The following PTPRD variants were observed in gnomAD, a reference collection of about 807,000 sequenced individuals.
The protein encoded by PTPRD is receptor-type tyrosine-protein phosphatase delta.
Under a neutral mutation model 214.5 loss-of-function variants are expected in PTPRD, and 34 were observed. The observed-to-expected ratio is 0.16, with a 90% CI of 0.12 to 0.21. The LOEUF (loss-of-function observed/expected upper bound fraction) is 0.21, where lower values mean the gene tolerates loss of function less well. Among genes scored for constraint, PTPRD ranks in the 10% least tolerant of loss-of-function variants. The probability of loss-of-function intolerance (pLI) is 1.00; values close to 1 mark genes in which losing one functional copy is unlikely to be tolerated. For synonymous variants in PTPRD, 1,128 were observed against 845.7 expected (o/e 1.33, Z -5.79); for missense variants, 2,545 against 2,398.7 (o/e 1.06, Z -1.27).
At chr9:10,308,461 G>A (rs1021149526) in intron 3 of PTPRD, among the ~76,000 whole-genome samples, 6 of 151,990 alleles carry the variant, frequency 3.9e-5, no homozygotes, top group African/African-American at 1.4e-4. Context: ...CTTGTTTACT[G>A]TAGCTTTGTA....
At chr9:10,020,545 T>C (rs2096829619) in intron 4 of PTPRD, among the ~76,000 whole-genome samples, 1 of 98,310 alleles carries the variant, frequency 1.0e-5, no homozygotes. Flanking sequence ...TCATGATCCT[T>C]TTTCACATTT....
At chr9:9,619,780 C>T (rs1400804810) in intron 7 of PTPRD, among the ~76,000 whole-genome samples, 2 of 145,242 alleles carry the variant, frequency 1.4e-5, no homozygotes, top group African/African-American at 2.5e-5. Context: ...TAAGTATATA[C>T]AAATATCTAT....
intron 7 of PTPRD, among the ~76,000 whole-genome samples, chr9:9,694,971 T>G (rs1362270513): frequency 6.6e-6 from 1 of 152,112 alleles, no homozygotes; most frequent in Non-Finnish European, 1.5e-5. Flanking sequence ...GCCAAGCTGG[T>G]ACCTAGTGTG....
chr9:9,400,119 A>G (rs1231821691), intron 8 of PTPRD, among the ~76,000 whole-genome samples: 2 of 142,490 alleles, frequency 1.4e-5, no homozygotes, highest in African/African-American at 5.3e-5. Context: ...TTGGACTGGC[A>G]CAGGTAGATG....
chr9:9,249,678 CTA>C (rs2099974642), intron 9 of PTPRD, among the ~76,000 whole-genome samples: 1 of 152,044 alleles, frequency 6.6e-6, no homozygotes, highest in Non-Finnish European at 1.5e-5. Context: ...AAAGTTTCAA[CTA>C]TGCATTATTT....
At chr9:8,566,124 G>GTGTGTGTGTC (rs2089036948) in intron 14 of PTPRD, among the ~76,000 whole-genome samples, 1 of 151,546 alleles carries the variant, frequency 6.6e-6, no homozygotes. Flanking sequence ...GTGTGTGTGT[G>GTGTGTGTGTC]TGTGTGTGTG....
At chr9:10,176,523 G>C (rs536298685) in intron 3 of PTPRD, among the ~76,000 whole-genome samples, 1 of 152,028 alleles carries the variant, frequency 6.6e-6, no homozygotes, top group East Asian at 1.9e-4. Context: ...ATCCATGCAG[G>C]CAGAGATAAA....
chr9:8,721,898 A>C (rs2154419764), intron 12 of PTPRD, among the ~76,000 whole-genome samples: 1 of 152,166 alleles, frequency 6.6e-6, no homozygotes, highest in South Asian at 2.1e-4. Flanking sequence ...ATCTCTCCTA[A>C]CCTCTGCTCC....
At chr9:9,067,419 T>C (rs2099736471) in intron 10 of PTPRD, among the ~76,000 whole-genome samples, 1 of 152,254 alleles carries the variant, frequency 6.6e-6, no homozygotes, top group South Asian at 2.1e-4. Flanking sequence ...TAATATTTGC[T>C]TATTTTTCAC....
At chr9:8,641,761 T>G (rs900021272) in intron 12 of PTPRD, among the ~76,000 whole-genome samples, 1 of 152,208 alleles carries the variant, frequency 6.6e-6, no homozygotes, top group Non-Finnish European at 1.5e-5. Flanking sequence ...AGCCACAAAC[T>G]GCGCACTGAT....
intron 3 of PTPRD, among the ~76,000 whole-genome samples, chr9:10,080,826 G>A (rs1590595998): frequency 6.6e-6 from 1 of 152,108 alleles, no homozygotes; most frequent in South Asian, 2.1e-4. Context: ...TTAAATTTCT[G>A]GCAAGCTAGA....
chr9:8,330,625 C>CAAAGGATGCTAGA (rs1554697293), intron 44 of PTPRD, among the ~76,000 whole-genome samples: 15 of 152,040 alleles, frequency 9.9e-5, no homozygotes, highest in Non-Finnish European at 1.5e-4. Flanking sequence ...GCCTGAGAAA[C>CAAAGGATGCTAGA]AAAGGATGCT....
chr9:9,536,381 C>A (rs1351320979), intron 8 of PTPRD, among the ~76,000 whole-genome samples: 1 of 151,874 alleles, frequency 6.6e-6, no homozygotes, highest in Non-Finnish European at 1.5e-5. Flanking sequence ...TCTTTAAAAA[C>A]ATTTAAAATA....
chr9:8,780,751 T>G (rs918562740), intron 11 of PTPRD, among the ~76,000 whole-genome samples: 1 of 152,152 alleles, frequency 6.6e-6, no homozygotes, highest in Non-Finnish European at 1.5e-5. Flanking sequence ...CTCAAAATCC[T>G]GAGGTAAGTA....
intron 7 of PTPRD, among the ~76,000 whole-genome samples, chr9:9,646,325 GT>G (rs2096170531): frequency 6.7e-6 from 1 of 149,258 alleles, no homozygotes; most frequent in Non-Finnish European, 1.5e-5. Context: ...GTGGGTGTGT[GT>G]GTGTGTGTGT....
At chr9:9,957,928 TAC>T (rs1200698056) in intron 4 of PTPRD, among the ~76,000 whole-genome samples, 1 of 151,250 alleles carries the variant, frequency 6.6e-6, no homozygotes, top group African/African-American at 2.4e-5. Context: ...CCCACATCAA[TAC>T]AGTCAACTGA....
intron 7 of PTPRD, among the ~76,000 whole-genome samples, chr9:9,628,182 T>C (rs1253251845): frequency 6.6e-6 from 1 of 152,160 alleles, no homozygotes; most frequent in Non-Finnish European, 1.5e-5. Context: ...TATTTCTTAA[T>C]TTTTCTCCTT....
intron 11 of PTPRD, among the ~76,000 whole-genome samples, chr9:8,896,841 T>C (rs2098618092): frequency 6.6e-6 from 1 of 152,188 alleles, no homozygotes; most frequent in Non-Finnish European, 1.5e-5. Flanking sequence ...AGGTTATTTT[T>C]CATCAGAAAT....
At chr9:9,506,734 A>G (rs751331474) in intron 8 of PTPRD, among the ~76,000 whole-genome samples, 1 of 151,446 alleles carries the variant, frequency 6.6e-6, no homozygotes, top group African/African-American at 2.4e-5. Flanking sequence ...TTAAGAAGTT[A>G]TCTGGAGTAA....
Sources: allele counts gnomAD v4.1 joint callset (sites outside exome capture counted in the v4.1 genomes callset), GRCh38; gene constraint gnomAD v4.1.1; transcripts MANE v1.5; gene names NCBI Gene and HGNC (gene_info 2026-07-23, HGNC 2026-07-21).